The following COG6 variants were observed in gnomAD, a reference collection of about 807,000 sequenced individuals.
COG6 encodes the protein conserved oligomeric Golgi complex subunit 6.
In COG6, 74 loss-of-function variants were observed where a neutral mutation model predicts 88.8. The ratio of observed to expected loss-of-function variants is 0.83; its 90% CI spans 0.69 to 1.01. The LOEUF (loss-of-function observed/expected upper bound fraction) is 1.01, where lower values mean the gene tolerates loss of function less well. Among genes scored for constraint, COG6 ranks in the 50% least tolerant of loss-of-function variants. The pLI, the probability that COG6 is intolerant of heterozygous loss-of-function variation, is 0.00. For missense variants in COG6, 800 were observed against 797.9 expected, an observed-to-expected ratio of 1.00 and a Z score of -0.03; for synonymous variants, 286 against 278.7, an observed-to-expected ratio of 1.03 and a Z score of -0.26.
intron 1 of COG6, among the ~76,000 whole-genome samples, chr13:39,658,063 CTTTTTTTTTTT>C (rs57263267): frequency 1.4e-5 from 2 of 139,524 alleles, no homozygotes; most frequent in African/African-American, 2.6e-5. Context: ...ATTCTTGTCA[CTTTTTTTTTTT>C]TTTTTTTACA....
chr13:39,744,906 A>G (rs1212698541), intron 18 of COG6, among the ~76,000 whole-genome samples: 1 of 152,206 alleles, frequency 6.6e-6, no homozygotes, highest in East Asian at 1.9e-4. Flanking sequence ...AAACAGAGAT[A>G]TAGACCAATG....
chr13:39,725,676 G>A (rs1024754486), intron 17 of COG6, among the ~76,000 whole-genome samples: 1 of 116,344 alleles, frequency 8.6e-6, no homozygotes, highest in African/African-American at 3.0e-5. Flanking sequence ...AGAAGCAACA[G>A]TTATAACTTC....
chr13:39,664,119 G>T (rs138201016), intron 3 of COG6: 2,157 of 154,828 alleles, frequency 0.014, 27 homozygotes, highest in Admixed American at 0.02. Flanking sequence ...AACTGGAGGT[G>T]TCTAGGTCTA....
In COG6 at chr13:39,774,398, A is replaced by T. The variant is rs372479002; in HGVS notation, c.1827-13937A>T. Among the ~76,000 whole-genome samples the T allele has an allele frequency of 3.3e-5, 5 of 152,170 alleles. No individual in the cohort carries two copies. The East Asian group carries it at 9.6e-4, about 29-fold the overall frequency. On this transcript the variant is annotated intron_variant, in intron 18 of 18. Transcript: ENST00000416691. Reference sequence around the variant, plus strand: ...CTATATTTAGTATTTGTTACAACTGATGCTCAAAAACTCTTTGGTGGTGTT... The same window carrying T: ...CTATATTTAGTATTTGTTACAACTGTTGCTCAAAAACTCTTTGGTGGTGTT...
chr13:39,736,219 T>TA (rs1879737034), intron 18 of COG6, among the ~76,000 whole-genome samples: 1 of 152,100 alleles, frequency 6.6e-6, no homozygotes. Flanking sequence ...TGTCTCCTCT[T>TA]ACTGTGTATT....
chr13:39,673,707 T>C (rs1875787343), intron 4 of COG6, among the ~76,000 whole-genome samples: 2 of 151,988 alleles, frequency 1.3e-5, no homozygotes, highest in Admixed American at 6.6e-5. Context: ...AAATCTATTG[T>C]ATAAAATTTA....
chr13:39,711,806 CTT>C (rs1281785808), intron 13 of COG6, among the ~76,000 whole-genome samples: 1 of 152,102 alleles, frequency 6.6e-6, no homozygotes, highest in Non-Finnish European at 1.5e-5. Context: ...ATATTTCAGT[CTT>C]TTAAAAATAT....
In COG6 at chr13:39,694,708, T is replaced by C; in HGVS notation, c.1149T>C (p.Phe383=). 6.4e-7 allele frequency: 1 copy of C among 1,574,062 alleles called. No homozygotes were observed. The highest frequency in any genetic ancestry group is 8.7e-7 in the Non-Finnish European group (1 of 1,146,926). ...ATAAAATTTCTAATCTCCTCAAATT[T>C]TATCACCATACAATCAGGTAAGTAG... The part of the protein sequence containing the change: ...LLYKISNLLK[F]YHHTISGIVG... The change falls in exon 12 of 19, where the codon TTT becomes TTC. Residue 383 remains phenylalanine (F), a synonymous_variant. Transcript: ENST00000455146.
intron 5 of COG6, among the ~76,000 whole-genome samples, chr13:39,677,888 A>G (rs537009782): frequency 1.0e-3 from 154 of 152,288 alleles, no homozygotes; most frequent in African/African-American, 3.6e-3. Context: ...CTAGATCTAT[A>G]GTTAAAAAGA....
chr13:39,726,406 A>G (rs1352020632), intron 17 of COG6, among the ~76,000 whole-genome samples: 1 of 151,964 alleles, frequency 6.6e-6, no homozygotes, highest in African/African-American at 2.4e-5. Flanking sequence ...ATGTGTTATG[A>G]TAATATGGTG....
chr13:39,709,706 A>T (rs1878135229), intron 13 of COG6, among the ~76,000 whole-genome samples: 1 of 152,048 alleles, frequency 6.6e-6, no homozygotes, highest in African/African-American at 2.4e-5. Flanking sequence ...TGTATATGTG[A>T]TATGTAACAC....
chr13:39,776,116 AC>A (rs1163646871), intron 18 of COG6, among the ~76,000 whole-genome samples: 2 of 152,140 alleles, frequency 1.3e-5, no homozygotes, highest in Non-Finnish European at 2.9e-5. Context: ...AGCTGGAAAA[AC>A]GTAACTATAT....
At chr13:39,723,304 T>G (rs773539767) in intron 15 of COG6, 29 bp from the exon 16 acceptor site, 31 of 1,405,262 alleles carry the variant, frequency 2.2e-5, no homozygotes, top group Non-Finnish European at 3.1e-5. Flanking sequence ...ATTCTTCTTT[T>G]AAAATGTTTT....
At chr13:39,678,707 G>T (rs752399413) in intron 5 of COG6, among the ~76,000 whole-genome samples, 3 of 151,972 alleles carry the variant, frequency 2.0e-5, no homozygotes, top group Non-Finnish European at 4.4e-5. Context: ...GGTGGGGAAG[G>T]GTTCTCACTG....
At chr13:39,785,614 A>G (rs1447929642) in intron 18 of COG6, 1 of 152,188 alleles carries the variant, frequency 6.6e-6, no homozygotes, top group East Asian at 1.9e-4. Flanking sequence ...AACAGTGTCT[A>G]CTTACACTCC....
At chr13:39,656,609 G>A (rs186203932) in intron 1 of COG6, among the ~76,000 whole-genome samples, 4 of 152,042 alleles carry the variant, frequency 2.6e-5, no homozygotes, top group Admixed American at 2.0e-4. Context: ...ACATAAAGAA[G>A]AACATATGTC....
At chr13:39,786,363 C>T (rs1353574014) in intron 18 of COG6, among the ~76,000 whole-genome samples, 2 of 152,126 alleles carry the variant, frequency 1.3e-5, no homozygotes, top group African/African-American at 4.8e-5. Context: ...TTTAATCCAG[C>T]TGACAGTGAG....
chr13:39,727,691 G>A, intron 18 of COG6, 143 bp downstream of exon 18: 1 of 720,414 alleles, frequency 1.4e-6, no homozygotes, highest in Non-Finnish European at 2.5e-6. Context: ...TTCTGCCTTG[G>A]CATGCCAAAG....
intron 4 of COG6, among the ~76,000 whole-genome samples, chr13:39,668,268 C>T (rs566744030): frequency 1.3e-5 from 2 of 151,992 alleles, no homozygotes; most frequent in Admixed American, 6.5e-5. Context: ...GCTCAGGATT[C>T]GGCCCTTTTA....
Sources: allele counts gnomAD v4.1 joint callset (sites outside exome capture counted in the v4.1 genomes callset), GRCh38; gene constraint gnomAD v4.1.1; transcripts MANE v1.5; gene names NCBI Gene and HGNC (gene_info 2026-07-23, HGNC 2026-07-21).